The following CA10 variants were observed in gnomAD, a reference collection of about 807,000 sequenced individuals.
CA10 encodes the protein carbonic anhydrase 10 (inactive), also known as carbonic anhydrase-related protein 10.
Under a neutral mutation model 44.2 loss-of-function variants are expected in CA10, and 14 were observed. The observed-to-expected ratio is 0.32, with a 90% CI of 0.21 to 0.50. The LOEUF (loss-of-function observed/expected upper bound fraction) is 0.50, where lower values mean the gene tolerates loss of function less well. CA10 is among the 20% of genes least tolerant of loss of function. The pLI, the probability that CA10 is intolerant of heterozygous loss-of-function variation, is 0.99. For synonymous variants in CA10, 159 were observed against 141.6 expected (o/e 1.12, Z -0.87); for missense variants, 350 against 409.7 (o/e 0.85, Z 1.26).
chr17:51,849,140 GT>G lies in CA10; in HGVS notation c.279+81849del, dbSNP rs1176251923. 1.3e-3 allele frequency among the ~76,000 whole-genome samples: 150 copies of G among 114,942 alleles called. 1 individual carries two copies. Among genetic ancestry groups the G allele is most frequent in the African/African-American group, 4.1e-3 (135 of 32,832 alleles). The allele number at this position is 114,942 out of a possible 152,430, so 75.4% of individuals were successfully genotyped here. ...GTATATATATAAATATAAAAACTTA[GT>G]TTTTTATATATATACATATATGTAT... On this transcript the variant is annotated intron_variant, in intron 3 of 8. Transcript: ENST00000451037.
At chr17:51,844,986 G>A (rs895778993) in intron 3 of CA10, among the ~76,000 whole-genome samples, 2 of 152,122 alleles carry the variant, frequency 1.3e-5, no homozygotes, top group South Asian at 2.1e-4. Flanking sequence ...GAGATACACC[G>A]ACAGAAGACA....
chr17:52,013,464 T>C (rs780957000), intron 2 of CA10, among the ~76,000 whole-genome samples: 11 of 151,834 alleles, frequency 7.2e-5, no homozygotes, highest in Admixed American at 2.0e-4. Context: ...ATGCAGTGGG[T>C]GTATTAAACA....
chr17:51,814,183 G>A lies in CA10; in HGVS notation c.280-66365C>T, dbSNP rs577096094. On this transcript the variant is annotated intron_variant, in intron 3 of 8. Transcript: ENST00000451037. ...ATTAACTCAACATTGAAGTAAGGTGGGCAAAATTTTATTAGTATTAAATTA... is the reference window on the plus strand; with the variant it reads ...ATTAACTCAACATTGAAGTAAGGTGAGCAAAATTTTATTAGTATTAAATTA... Among the ~76,000 whole-genome samples, 4 of 152,146 alleles carry A rather than the reference G, an allele frequency of 2.6e-5. No individual in the cohort carries two copies. The South Asian group carries it at 8.3e-4, about 32-fold the overall frequency.
At chr17:51,716,928 A>T (rs1023300836) in intron 4 of CA10, among the ~76,000 whole-genome samples, 26 of 152,142 alleles carry the variant, frequency 1.7e-4, no homozygotes, top group African/African-American at 6.3e-4. Context: ...GTTGGCAGGG[A>T]GATCTTAACT....
intron 1 of CA10, among the ~76,000 whole-genome samples, chr17:52,098,098 G>T (rs1193336986): frequency 6.6e-6 from 1 of 152,084 alleles, no homozygotes; most frequent in Non-Finnish European, 1.5e-5. Context: ...GCCCAGAACT[G>T]CTGTTACATA....
intron 1 of CA10, among the ~76,000 whole-genome samples, chr17:52,150,400 T>C (rs892820468): frequency 6.6e-6 from 1 of 152,198 alleles, no homozygotes; most frequent in African/African-American, 2.4e-5. Flanking sequence ...AAAATCAGTC[T>C]TTTACTAGAT....
At chr17:52,125,181 A>C (rs1238278877) in intron 1 of CA10, among the ~76,000 whole-genome samples, 5 of 152,220 alleles carry the variant, frequency 3.3e-5, no homozygotes, top group Non-Finnish European at 7.3e-5. Flanking sequence ...CGTTGGTGTC[A>C]GTCTTCCTTG....
intron 2 of CA10, among the ~76,000 whole-genome samples, chr17:51,978,475 G>T (rs1321974281): frequency 6.6e-6 from 1 of 151,056 alleles, no homozygotes; most frequent in Non-Finnish European, 1.5e-5. Flanking sequence ...TCCAACAAAT[G>T]GTGCTGCTGC....
intron 3 of CA10, among the ~76,000 whole-genome samples, chr17:51,834,431 A>T (rs1023772787): frequency 8.5e-5 from 13 of 152,224 alleles, no homozygotes; most frequent in Admixed American, 8.5e-4. Flanking sequence ...CCCCTGAAAG[A>T]CATCATCTGT....
intron 3 of CA10, among the ~76,000 whole-genome samples, chr17:51,862,757 T>C (rs1201007128): frequency 6.6e-6 from 1 of 152,018 alleles, no homozygotes; most frequent in Non-Finnish European, 1.5e-5. Context: ...ATGGCCTTTT[T>C]TTTTCTCTGT....
At chr17:52,023,739 C>A (rs181529336) in intron 2 of CA10, among the ~76,000 whole-genome samples, 1 of 150,682 alleles carries the variant, frequency 6.6e-6, no homozygotes, top group Non-Finnish European at 1.5e-5. Flanking sequence ...CAAAGGCCTA[C>A]TATCCAGAAT....
chr17:51,798,460 G>A (rs1906799705), intron 3 of CA10, among the ~76,000 whole-genome samples: 1 of 152,096 alleles, frequency 6.6e-6, no homozygotes, highest in Admixed American at 6.5e-5. Context: ...CCTAATAAGA[G>A]GCTACTGGTT....
intron 4 of CA10, among the ~76,000 whole-genome samples, chr17:51,653,950 G>A (rs1280201457): frequency 6.6e-6 from 1 of 152,206 alleles, no homozygotes; most frequent in Admixed American, 6.5e-5. Flanking sequence ...ATTTGCAAAT[G>A]TTTTCTGGTA....
At chr17:51,957,993 T>C (rs1983730680) in intron 2 of CA10, among the ~76,000 whole-genome samples, 1 of 152,052 alleles carries the variant, frequency 6.6e-6, no homozygotes, top group African/African-American at 2.4e-5. Context: ...CTCAGCACAG[T>C]CTGACAAATA....
At chr17:51,951,054 C>T (rs1448129730) in intron 2 of CA10, among the ~76,000 whole-genome samples, 1 of 152,132 alleles carries the variant, frequency 6.6e-6, no homozygotes, top group Non-Finnish European at 1.5e-5. Context: ...TTATTCTTCA[C>T]CAGGTTTTAC....
chr17:51,832,659 G>A (rs946015864), intron 3 of CA10, among the ~76,000 whole-genome samples: 1 of 152,184 alleles, frequency 6.6e-6, no homozygotes. Flanking sequence ...GACCATCGAG[G>A]ATTTATCTGG....
intron 2 of CA10, among the ~76,000 whole-genome samples, chr17:51,949,017 AAAAT>A (rs1015842938): frequency 6.3e-4 from 96 of 152,212 alleles, no homozygotes; most frequent in African/African-American, 2.1e-3. Flanking sequence ...ATATATAAGA[AAAAT>A]AAATAAAATT....
chr17:51,640,726 A>G (rs557046118), intron 6 of CA10, among the ~76,000 whole-genome samples: 4 of 152,360 alleles, frequency 2.6e-5, no homozygotes, highest in South Asian at 4.1e-4. Context: ...ATGTCAAGGC[A>G]CACTGGGGTG....
intron 3 of CA10, among the ~76,000 whole-genome samples, chr17:51,818,148 G>A (rs1907635524): frequency 6.6e-6 from 1 of 152,166 alleles, no homozygotes; most frequent in Admixed American, 6.5e-5. Flanking sequence ...TCCTAAGTAA[G>A]TCACTTAACC....
Sources: gnomAD v4.1 joint callset for allele counts (sites outside exome capture counted in the v4.1 genomes callset) on GRCh38, gnomAD v4.1.1 for gene constraint, MANE v1.5 for transcripts, NCBI Gene and HGNC (gene_info 2026-07-23, HGNC 2026-07-21) for gene names.